RBPMS: variants seen among roughly 807,000 people sequenced by gnomAD.
The protein encoded by RBPMS is RNA binding protein, mRNA processing factor, also known as RNA-binding protein with multiple splicing.
A neutral mutation model predicts 26.8 loss-of-function variants in RBPMS; 7 were observed. The ratio of observed to expected loss-of-function variants is 0.26; its 90% CI spans 0.15 to 0.49. The LOEUF (loss-of-function observed/expected upper bound fraction) is 0.49, where lower values mean the gene tolerates loss of function less well. Among genes scored for constraint, RBPMS ranks in the 20% least tolerant of loss-of-function variants. The pLI is 0.98. For synonymous variants in RBPMS, 96 were observed against 93.3 expected, an observed-to-expected ratio of 1.03 and a Z score of -0.17; for missense variants, 186 against 250.0, an observed-to-expected ratio of 0.74 and a Z score of 1.73.
At chr8:30,450,051 G>A (rs1167563359) in intron 1 of RBPMS, among the ~76,000 whole-genome samples, 2 of 152,174 alleles carry the variant, frequency 1.3e-5, no homozygotes, top group Admixed American at 6.5e-5. Flanking sequence ...GTATTAAACG[G>A]CTCACAGATG....
At chr8:30,388,829 A>G (rs1174395446) in intron 1 of RBPMS, among the ~76,000 whole-genome samples, 4 of 152,090 alleles carry the variant, frequency 2.6e-5, no homozygotes, top group Non-Finnish European at 5.9e-5. Context: ...TTCTCCTTAA[A>G]TTGCTTTGAA....
chr8:30,481,824 G>A (rs1411084892), intron 4 of RBPMS, among the ~76,000 whole-genome samples: 1 of 152,200 alleles, frequency 6.6e-6, no homozygotes, highest in Non-Finnish European at 1.5e-5. Flanking sequence ...TCTATGTAAA[G>A]TAGTAGAGGT....
chr8:30,473,383 T>C (rs1364723257), intron 1 of RBPMS, among the ~76,000 whole-genome samples: 1 of 152,206 alleles, frequency 6.6e-6, no homozygotes, highest in Non-Finnish European at 1.5e-5. Context: ...TAGTAGACAC[T>C]AAGCACATAG....
At chr8:30,445,525 A>T (rs1478765560) in intron 1 of RBPMS, among the ~76,000 whole-genome samples, 1 of 151,730 alleles carries the variant, frequency 6.6e-6, no homozygotes, top group East Asian at 1.9e-4. Flanking sequence ...AGTTTCTTTT[A>T]AAAATTCTCT....
At chr8:30,556,352 G>C in intron 6 of RBPMS, 1 of 985,594 alleles carries the variant, frequency 1.0e-6, no homozygotes, top group African/African-American at 1.7e-5. Context: ...CTGCACGCTC[G>C]TCCCCAACCC....
At chr8:30,561,882 C>T (rs1226351377) in intron 7 of RBPMS, 1 of 985,200 alleles carries the variant, frequency 1.0e-6, no homozygotes, top group Non-Finnish European at 1.2e-6. Context: ...GTTCCAGTGA[C>T]AGAGATCCTG....
At chr8:30,479,710 C>T (rs1435412081) in intron 4 of RBPMS, among the ~76,000 whole-genome samples, 4 of 151,816 alleles carry the variant, frequency 2.6e-5, no homozygotes, top group Admixed American at 2.0e-4. Flanking sequence ...ATATTTGAGG[C>T]GTTAGCTTGC....
chr8:30,547,429 T>C (rs1825962181), intron 6 of RBPMS: 3 of 1,587,932 alleles, frequency 1.9e-6, no homozygotes, highest in Non-Finnish European at 2.6e-6. Flanking sequence ...GTTGAATTTG[T>C]TTGTTAGCTA....
chr8:30,497,710 G>A (rs535013254), intron 4 of RBPMS, among the ~76,000 whole-genome samples: 11 of 151,994 alleles, frequency 7.2e-5, no homozygotes, highest in Admixed American at 4.6e-4. Flanking sequence ...TCCACCTCCC[G>A]GGTTCACACA....
intron 2 of RBPMS, 116 bp from the exon 3 acceptor site, chr8:30,477,683 A>T: frequency 1.4e-6 from 1 of 711,738 alleles, no homozygotes; most frequent in Non-Finnish European, 2.5e-6. Flanking sequence ...TTCCCAGATA[A>T]CTTAGGAGAC....
intron 1 of RBPMS, among the ~76,000 whole-genome samples, chr8:30,448,998 T>C (rs1814208486): frequency 6.6e-6 from 1 of 152,208 alleles, no homozygotes; most frequent in African/African-American, 2.4e-5. Flanking sequence ...AAGTCAGGCC[T>C]AGAAATTTGG....
chr8:30,487,186 C>T (rs376602080), intron 4 of RBPMS, among the ~76,000 whole-genome samples: 3 of 152,310 alleles, frequency 2.0e-5, no homozygotes, highest in East Asian at 3.9e-4. Flanking sequence ...ACATTACTGA[C>T]GGTTCTGCAG....
intron 4 of RBPMS, among the ~76,000 whole-genome samples, chr8:30,495,794 T>C (rs2054128367): frequency 6.6e-6 from 1 of 152,204 alleles, no homozygotes; most frequent in Admixed American, 6.5e-5. Context: ...CATTCTCTGT[T>C]GGAATCCATA....
chr8:30,414,009 T>C (rs996900648), intron 1 of RBPMS, among the ~76,000 whole-genome samples: 3 of 152,238 alleles, frequency 2.0e-5, no homozygotes, highest in Non-Finnish European at 2.9e-5. Context: ...CCCAAAGTGC[T>C]GGGATTACAG....
At chr8:30,519,503 A>C (rs1385889454) in intron 5 of RBPMS, among the ~76,000 whole-genome samples, 1 of 95,934 alleles carries the variant, frequency 1.0e-5, no homozygotes, top group African/African-American at 4.1e-5. Flanking sequence ...TTTTTTTTGG[A>C]GACGGAGTCT....
intron 1 of RBPMS, among the ~76,000 whole-genome samples, chr8:30,435,320 A>C (rs1190628247): frequency 6.6e-6 from 1 of 152,168 alleles, no homozygotes; most frequent in Non-Finnish European, 1.5e-5. Flanking sequence ...TGTATATGCA[A>C]ATCTTCCAAA....
chr8:30,439,655 T>C (rs1563319391), intron 1 of RBPMS, among the ~76,000 whole-genome samples: 1 of 152,062 alleles, frequency 6.6e-6, no homozygotes, highest in Admixed American at 6.5e-5. Context: ...TTTTTTTCCT[T>C]TTGTTTTGTT....
intron 5 of RBPMS, among the ~76,000 whole-genome samples, chr8:30,515,526 A>G (rs1200583243): frequency 2.0e-5 from 3 of 152,248 alleles, no homozygotes; most frequent in Non-Finnish European, 2.9e-5. Flanking sequence ...TGAAGCAGGT[A>G]TAAGAAACCA....
rs1313779130 is a variant in RBPMS, at chr8:30,519,450, ATCTC to A, written c.397+15020_397+15023del. 5.3e-4 allele frequency among the ~76,000 whole-genome samples: 60 copies of A among 113,300 alleles called. 1 individual carries two copies. The highest frequency in any genetic ancestry group is 2.0e-3 in the African/African-American group (57 of 27,994). 74.3% of individuals were successfully genotyped at this position (113,300 alleles called of 152,430 possible). A position where few individuals can be genotyped will look rare whatever the true frequency, so the allele number is the denominator to read the frequency against. ...ACTTTCTCTCACCCTACGTGGGAGG[ATCTC>A]TCTCTTTTTTTTTTTTTTTTTTTTT... On this transcript the variant is annotated intron_variant, in intron 5 of 8. Transcript: ENST00000397323.
Sources: allele counts gnomAD v4.1 joint callset (sites outside exome capture counted in the v4.1 genomes callset), GRCh38; gene constraint gnomAD v4.1.1; transcripts MANE v1.5; gene names NCBI Gene and HGNC (gene_info 2026-07-23, HGNC 2026-07-21).